Variants in ZNF532 observed in about 807,000 individuals in gnomAD.
ZNF532 encodes the protein zinc finger protein 532.
In ZNF532, 22 loss-of-function variants were observed where a neutral mutation model predicts 89.3. The observed-to-expected ratio is 0.25, with a 90% CI of 0.18 to 0.35. ZNF532 has a LOEUF of 0.35. Among genes scored for constraint, ZNF532 ranks in the 10% least tolerant of loss-of-function variants. The pLI, the probability that ZNF532 is intolerant of heterozygous loss-of-function variation, is 1.00. For missense variants in ZNF532, 1,132 were observed against 1,643.4 expected (o/e 0.69, Z 5.38); for synonymous variants, 606 against 649.6 (o/e 0.93, Z 1.02).
intron 2 of ZNF532, among the ~76,000 whole-genome samples, chr18:58,887,972 T>G (rs1187899966): frequency 2.0e-5 from 3 of 152,238 alleles, no homozygotes; most frequent in African/African-American, 7.2e-5. Context: ...TTTATTAGAT[T>G]AGAGCTTTGC....
chr18:58,948,310 C>T, intron 6 of ZNF532, 81 bp downstream of exon 6: 1 of 1,423,646 alleles, frequency 7.0e-7, no homozygotes, highest in South Asian at 1.4e-5. Context: ...CTGCAGGTGA[C>T]TCTAAAGCAT....
At chr18:58,927,212 G>C (rs1205584057) in intron 3 of ZNF532, among the ~76,000 whole-genome samples, 1 of 152,144 alleles carries the variant, frequency 6.6e-6, no homozygotes, top group African/African-American at 2.4e-5. Flanking sequence ...ATTTACCTTT[G>C]CTACTGGGCT....
At chr18:58,898,373 ACTAATGGAGAC>A (rs1696926666) in intron 2 of ZNF532, among the ~76,000 whole-genome samples, 1 of 152,244 alleles carries the variant, frequency 6.6e-6, no homozygotes, top group African/African-American at 2.4e-5. Flanking sequence ...GGGCAAGAGT[ACTAATGGAGAC>A]CAGATGGCTA....
intron 7 of ZNF532, among the ~76,000 whole-genome samples, chr18:58,961,510 G>A (rs968751128): frequency 6.6e-6 from 1 of 152,172 alleles, no homozygotes. Flanking sequence ...CGTTATTCTG[G>A]ATATGATGCA....
At chr18:58,910,025 G>C (rs1234105229) in intron 2 of ZNF532, among the ~76,000 whole-genome samples, 1 of 151,990 alleles carries the variant, frequency 6.6e-6, no homozygotes, top group Non-Finnish European at 1.5e-5. Flanking sequence ...AGGATCACTG[G>C]AGCCCAGGAG....
chr18:58,863,052 A>G (rs143503439), upstream of ZNF532: 90 of 152,312 alleles, frequency 5.9e-4, 2 homozygotes, highest in African/African-American at 2.1e-3. Context: ...CTCTCTTCTT[A>G]CTCATTTGCC....
intron 2 of ZNF532, among the ~76,000 whole-genome samples, chr18:58,897,585 A>G (rs570111257): frequency 6.6e-5 from 10 of 152,318 alleles, no homozygotes; most frequent in Non-Finnish European, 1.2e-4. Flanking sequence ...TGATGAGTAT[A>G]TTTTATGTTC....
At position 58,984,662 on chromosome 18, in the gene ZNF532, T is replaced by C; in HGVS notation, c.*196T>C. The C allele has an allele frequency of 1.8e-6, 1 of 561,914 alleles. No homozygotes were observed. Among genetic ancestry groups the C allele is most frequent in the Non-Finnish European group, 3.0e-6 (1 of 337,012 alleles). The allele number at this position is 561,914 out of a possible 1,614,324, so 34.8% of individuals were successfully genotyped here. ...AACAGTATTTGAGTTTAAAAGAGTT[T>C]GTATATATTTAAATGAATAACTTTT... On this transcript the variant is annotated 3_prime_UTR_variant, in exon 10 of 10. Coordinates refer to ENST00000591808, the MANE Select transcript of ZNF532 (RefSeq NM_001375912.1).
intron 5 of ZNF532, among the ~76,000 whole-genome samples, chr18:58,940,959 C>CACACACACTCTT (rs777728136): frequency 3.7e-5 from 5 of 135,694 alleles, no homozygotes; most frequent in African/African-American, 1.3e-4. Flanking sequence ...CACACACACA[C>CACACACACTCTT]TCTTTCTCTC....
At chr18:58,918,063 T>C (rs2060732852) in intron 2 of ZNF532, among the ~76,000 whole-genome samples, 1 of 152,204 alleles carries the variant, frequency 6.6e-6, no homozygotes, top group South Asian at 2.1e-4. Context: ...TGTGGAGGGC[T>C]TACTTTTGAA....
At chr18:58,935,788 CTTAACA>C (rs1015150059) in intron 4 of ZNF532, among the ~76,000 whole-genome samples, 7 of 151,724 alleles carry the variant, frequency 4.6e-5, no homozygotes, top group Non-Finnish European at 8.8e-5. Context: ...ATATGTTTAT[CTTAACA>C]TTAAGTATTT....
intron 9 of ZNF532, among the ~76,000 whole-genome samples, chr18:58,983,111 T>TA (rs201866160): frequency 0.011 from 1,717 of 151,530 alleles, 10 homozygotes; most frequent in Non-Finnish European, 0.017. Context: ...GACTCCGTCT[T>TA]AAAAAAAAAG....
Position 58,985,785 on chromosome 18 carries a change from T to TTTTTA in ZNF532, c.*1319_*1320insTTTTA, listed in dbSNP as rs2068335923. 1 of 150,770 alleles carries TTTTTA rather than the reference T, an allele frequency of 6.6e-6. No individual in the cohort carries two copies. The highest frequency in any genetic ancestry group is 2.4e-5 in the African/African-American group (1 of 40,870). The allele number at this position is 150,770 out of a possible 1,614,324, so 9.3% of individuals were successfully genotyped here. Reference sequence around the variant, plus strand: ...TTTGTACCTTTTTTTTTTTTTTTTTTAAGAAAAGGAATTCTTTTGTGTATA... The same window carrying TTTTTA: ...TTTGTACCTTTTTTTTTTTTTTTTTTTTTTAAAGAAAAGGAATTCTTTTGTGTATA... On this transcript the variant is annotated 3_prime_UTR_variant, in exon 10 of 10. Coordinates refer to ENST00000591808, the MANE Select transcript of ZNF532 (RefSeq NM_001375912.1).
At chr18:58,881,468 G>T (rs1412600783) in intron 2 of ZNF532, among the ~76,000 whole-genome samples, 2 of 152,198 alleles carry the variant, frequency 1.3e-5, no homozygotes, top group Non-Finnish European at 2.9e-5. Context: ...TGGGTTGTGT[G>T]TCTGCAAGGG....
In ZNF532 at chr18:58,888,741, T is replaced by TATATATATAAAATATATATATAA. The variant is rs1226823500; in HGVS notation, c.-18+23162_-18+23163insATATATATAAAATATATATATAA. Reference sequence around the variant, plus strand: ...TATATATATAAATTATATATATATATTTTATATATATATAAAATTAATATA... The same window carrying TATATATATAAAATATATATATAA: ...TATATATATAAATTATATATATATATATATATATAAAATATATATATAATTTATATATATATAAAATTAATATA... On this transcript the variant is annotated intron_variant, in intron 2 of 9. Coordinates refer to ENST00000591808, the MANE Select transcript of ZNF532 (RefSeq NM_001375912.1). Among the ~76,000 whole-genome samples, 61 of 30,438 alleles carry TATATATATAAAATATATATATAA rather than the reference T, an allele frequency of 2.0e-3. 4 individuals carry two copies. The highest frequency in any genetic ancestry group is 7.5e-3 in the East Asian group (4 of 532). The allele number at this position is 30,438 out of a possible 152,430, so 20.0% of individuals were successfully genotyped here.
intron 5 of ZNF532, among the ~76,000 whole-genome samples, chr18:58,945,542 C>A (rs1022359984): frequency 2.0e-5 from 3 of 152,126 alleles, no homozygotes; most frequent in African/African-American, 7.2e-5. Context: ...TTTTACACTT[C>A]CTGTTGTTAA....
intron 3 of ZNF532, among the ~76,000 whole-genome samples, chr18:58,929,898 T>C (rs1291623734): frequency 6.6e-6 from 1 of 152,250 alleles, no homozygotes; most frequent in Non-Finnish European, 1.5e-5. Context: ...CAAACTGGTA[T>C]ACTTTATTAT....
intron 2 of ZNF532, among the ~76,000 whole-genome samples, chr18:58,897,530 A>G (rs1157202589): frequency 3.9e-5 from 6 of 152,268 alleles, no homozygotes; most frequent in Non-Finnish European, 7.3e-5. Context: ...AAATGCAACA[A>G]CAACCTTAGG....
upstream of ZNF532, chr18:58,864,569 C>A (rs1025550221): frequency 2.8e-5 from 1 of 35,508 alleles, no homozygotes; most frequent in African/African-American, 1.1e-4. Context: ...ACAGTGTCTG[C>A]GGTGGGCTGT....
Sources: allele counts gnomAD v4.1 joint callset (sites outside exome capture counted in the v4.1 genomes callset), GRCh38; gene constraint gnomAD v4.1.1; transcripts MANE v1.5; gene names NCBI Gene and HGNC (gene_info 2026-07-23, HGNC 2026-07-21).